The following SLC24A3 variants were observed in gnomAD, a reference collection of about 807,000 sequenced individuals.
SLC24A3 encodes solute carrier family 24 member 3.
SLC24A3 carries 28 observed loss-of-function variants against 75.8 expected under a neutral mutation model. The observed-to-expected ratio is 0.37, with a 90% CI of 0.27 to 0.51. SLC24A3 has a LOEUF of 0.51. Ranked by LOEUF, SLC24A3 falls within the 20% of genes least tolerant of loss-of-function variation. The pLI is 0.94. For missense variants in SLC24A3, 663 were observed against 847.8 expected, an observed-to-expected ratio of 0.78 and a Z score of 2.71; for synonymous variants, 372 against 334.1, an observed-to-expected ratio of 1.11 and a Z score of -1.24.
At chr20:19,397,653 T>C (rs1422551112) in intron 2 of SLC24A3, among the ~76,000 whole-genome samples, 6 of 135,472 alleles carry the variant, frequency 4.4e-5, no homozygotes, top group South Asian at 2.2e-4. Flanking sequence ...TTTTCTTTTT[T>C]TTTTTTTTTT....
At chr20:19,387,798 TTGGATGGAA>T in intron 2 of SLC24A3, among the ~76,000 whole-genome samples, 1 of 152,332 alleles carries the variant, frequency 6.6e-6, no homozygotes, top group East Asian at 1.9e-4. Context: ...TCTGCTGCTG[TTGGATGGAA>T]TGTTCTGTAT....
chr20:19,249,754 C>T (rs1441020981), intron 1 of SLC24A3, among the ~76,000 whole-genome samples: 2 of 152,122 alleles, frequency 1.3e-5, no homozygotes, highest in African/African-American at 2.4e-5. Flanking sequence ...GCATGTTAGT[C>T]ATGGATCATG....
At chr20:19,541,718 A>G (rs748510827) in intron 3 of SLC24A3, among the ~76,000 whole-genome samples, 25 of 152,130 alleles carry the variant, frequency 1.6e-4, no homozygotes, top group Non-Finnish European at 3.5e-4. Flanking sequence ...GATTGTAAAA[A>G]CTTTTGCACT....
At chr20:19,221,444 G>A (rs750594738) in intron 1 of SLC24A3, among the ~76,000 whole-genome samples, 20 of 152,278 alleles carry the variant, frequency 1.3e-4, no homozygotes, top group South Asian at 2.1e-4. Flanking sequence ...CCAGGTATGC[G>A]TCTTTCTTAG....
intron 3 of SLC24A3, among the ~76,000 whole-genome samples, chr20:19,556,981 A>G (rs577401923): frequency 9.9e-5 from 15 of 152,166 alleles, no homozygotes; most frequent in Non-Finnish European, 1.8e-4. Context: ...GGCCTCTGCT[A>G]TGTGCTGCCA....
intron 3 of SLC24A3, among the ~76,000 whole-genome samples, chr20:19,574,690 G>A (rs986017439): frequency 1.3e-5 from 2 of 152,194 alleles, no homozygotes; most frequent in Admixed American, 1.3e-4. Flanking sequence ...GAGGGGCTGC[G>A]CTATGTCTAA....
intron 2 of SLC24A3, among the ~76,000 whole-genome samples, chr20:19,316,002 G>A (rs905230669): frequency 3.3e-5 from 5 of 152,166 alleles, no homozygotes; most frequent in Admixed American, 6.5e-5. Flanking sequence ...AGTGTTGAAC[G>A]TCTCATAGAT....
At chr20:19,586,945 T>C (rs952878199) in intron 6 of SLC24A3, among the ~76,000 whole-genome samples, 2 of 152,226 alleles carry the variant, frequency 1.3e-5, no homozygotes, top group African/African-American at 2.4e-5. Context: ...AAATCTCCCA[T>C]AAATGTAGTT....
At chr20:19,440,991 GC>G (rs1245122515) in intron 2 of SLC24A3, among the ~76,000 whole-genome samples, 5 of 152,014 alleles carry the variant, frequency 3.3e-5, no homozygotes, top group African/African-American at 1.2e-4. Flanking sequence ...TGGGAAGCAG[GC>G]CGGATCCTGA....
intron 2 of SLC24A3, among the ~76,000 whole-genome samples, chr20:19,310,212 A>G (rs1354255742): frequency 2.6e-5 from 4 of 152,156 alleles, no homozygotes; most frequent in Non-Finnish European, 5.9e-5. Context: ...TTTCTGCCAC[A>G]TTCTAAACCC....
intron 3 of SLC24A3, among the ~76,000 whole-genome samples, chr20:19,541,784 C>T (rs2030502185): frequency 6.6e-6 from 1 of 152,210 alleles, no homozygotes; most frequent in Admixed American, 6.5e-5. Context: ...GTTGGCCACC[C>T]TTTCGGGGTT....
chr20:19,613,893 T>G (rs1173660611), intron 6 of SLC24A3, among the ~76,000 whole-genome samples: 2 of 152,240 alleles, frequency 1.3e-5, no homozygotes, highest in Non-Finnish European at 2.9e-5. Context: ...ATTTTTCCCA[T>G]GCACCACCCT....
chr20:19,571,921 G>T (rs2031058052), intron 3 of SLC24A3, among the ~76,000 whole-genome samples: 1 of 152,044 alleles, frequency 6.6e-6, no homozygotes, highest in Non-Finnish European at 1.5e-5. Flanking sequence ...GTTTTAATGT[G>T]GGCTCTCTCA....
At chr20:19,654,373 A>G (rs2032241081) in intron 7 of SLC24A3, among the ~76,000 whole-genome samples, 2 of 152,068 alleles carry the variant, frequency 1.3e-5, no homozygotes, top group African/African-American at 2.4e-5. Flanking sequence ...ATGAGAGTCC[A>G]TGGCTGTTCT....
chr20:19,444,482 A>T (rs1021220505), intron 2 of SLC24A3, among the ~76,000 whole-genome samples: 1 of 152,194 alleles, frequency 6.6e-6, no homozygotes, highest in Non-Finnish European at 1.5e-5. Context: ...TAAATTATTA[A>T]TTGCTAATTA....
At chr20:19,389,969 TA>T (rs1986338422) in intron 2 of SLC24A3, among the ~76,000 whole-genome samples, 1 of 152,220 alleles carries the variant, frequency 6.6e-6, no homozygotes, top group Non-Finnish European at 1.5e-5. Context: ...GACCTTTCTT[TA>T]AGCTCGATGA....
intron 2 of SLC24A3, among the ~76,000 whole-genome samples, chr20:19,338,774 C>G (rs564831292): frequency 6.6e-6 from 1 of 152,244 alleles, no homozygotes. Flanking sequence ...TGATATGGGG[C>G]TGCGAAAATT....
intron 2 of SLC24A3, among the ~76,000 whole-genome samples, chr20:19,340,563 C>T (rs1985249685): frequency 6.6e-6 from 1 of 152,172 alleles, no homozygotes; most frequent in Non-Finnish European, 1.5e-5. Flanking sequence ...CTGCATCACC[C>T]CACTTTCCTG....
At chr20:19,523,285 C>T (rs1246908873) in intron 3 of SLC24A3, among the ~76,000 whole-genome samples, 7 of 152,206 alleles carry the variant, frequency 4.6e-5, no homozygotes, top group Non-Finnish European at 8.8e-5. Context: ...CCAGCAACAA[C>T]TCACTTGCAG....
Sources: gnomAD v4.1 joint callset for allele counts (sites outside exome capture counted in the v4.1 genomes callset) on GRCh38, gnomAD v4.1.1 for gene constraint, MANE v1.5 for transcripts, NCBI Gene and HGNC (gene_info 2026-07-23, HGNC 2026-07-21) for gene names.